The following DOCK3 variants were observed in gnomAD, a reference collection of about 807,000 sequenced individuals.
DOCK3 encodes the protein dedicator of cytokinesis protein 3.
DOCK3 carries 60 observed loss-of-function variants against 265.6 expected under a neutral mutation model. The observed-to-expected ratio is 0.23, with a 90% CI of 0.18 to 0.28. DOCK3 has a LOEUF of 0.28. DOCK3 is among the 10% of genes least tolerant of loss of function. The pLI is 1.00. For synonymous variants in DOCK3, 881 were observed against 938.0 expected (o/e 0.94, Z 1.11); for missense variants, 1,981 against 2,594.3 (o/e 0.76, Z 5.14).
At position 51,314,442 on chromosome 3, in the gene DOCK3, G is replaced by A. The variant is rs532535884; in HGVS notation, c.3254-538G>A. On this transcript the variant is annotated intron_variant, in intron 31 of 52. Coordinates refer to ENST00000266037, the MANE Select transcript of DOCK3 (RefSeq NM_004947.5). Reference sequence around the variant, plus strand: ...GCAGGAGACTCCTGCTAGCTCAGGAGGAGGACTTCTTTGGCATACATGAAC... The same window carrying A: ...GCAGGAGACTCCTGCTAGCTCAGGAAGAGGACTTCTTTGGCATACATGAAC... Among the ~76,000 whole-genome samples, 9 of 152,302 alleles carry A rather than the reference G, an allele frequency of 5.9e-5. No homozygotes were observed. In the South Asian group the frequency reaches 1.9e-3, roughly 32 times the overall value.
At chr3:50,730,330 A>G (rs985642056) in intron 1 of DOCK3, among the ~76,000 whole-genome samples, 3 of 150,880 alleles carry the variant, frequency 2.0e-5, no homozygotes, top group African/African-American at 4.9e-5. Context: ...TTTAGTAGAG[A>G]TGGGGTTTTG....
chr3:51,063,457 C>G (rs1243098521), intron 5 of DOCK3, among the ~76,000 whole-genome samples: 2 of 152,176 alleles, frequency 1.3e-5, no homozygotes, highest in Non-Finnish European at 2.9e-5. Flanking sequence ...CTACCTGATT[C>G]TACTGTTTTG....
At chr3:51,314,729 G>C (rs1424756093) in intron 31 of DOCK3, among the ~76,000 whole-genome samples, 1 of 152,224 alleles carries the variant, frequency 6.6e-6, no homozygotes, top group African/African-American at 2.4e-5. Context: ...CAGGTAGTTT[G>C]TGGGACTGTC....
At chr3:50,894,182 T>C (rs543079007) in intron 4 of DOCK3, among the ~76,000 whole-genome samples, 1 of 151,960 alleles carries the variant, frequency 6.6e-6, no homozygotes, top group African/African-American at 2.4e-5. Context: ...GTGGTCAAAT[T>C]GTCAAAAGTC....
intron 5 of DOCK3, among the ~76,000 whole-genome samples, chr3:50,965,855 T>C (rs542543264): frequency 7.5e-4 from 114 of 152,286 alleles, no homozygotes; most frequent in Non-Finnish European, 1.3e-3. Context: ...CAATGGATGA[T>C]TGGGTATATT....
chr3:50,691,930 T>C (rs1025277171), intron 1 of DOCK3, among the ~76,000 whole-genome samples: 2 of 151,734 alleles, frequency 1.3e-5, no homozygotes, highest in Non-Finnish European at 2.9e-5. Context: ...TTTTTTTTTT[T>C]TTTGAGACAG....
intron 5 of DOCK3, among the ~76,000 whole-genome samples, chr3:51,002,915 A>G (rs1182351408): frequency 6.6e-6 from 1 of 152,230 alleles, no homozygotes; most frequent in African/African-American, 2.4e-5. Context: ...TTAACTCTGG[A>G]TAAATGTATG....
intron 1 of DOCK3, among the ~76,000 whole-genome samples, chr3:50,743,765 C>A (rs758915791): frequency 6.6e-6 from 1 of 152,160 alleles, no homozygotes; most frequent in Non-Finnish European, 1.5e-5. Flanking sequence ...TCTCTGTTTT[C>A]TGGGGTTATT....
chr3:51,141,103 T>C (rs575705282), intron 9 of DOCK3, among the ~76,000 whole-genome samples: 12 of 152,206 alleles, frequency 7.9e-5, no homozygotes, highest in South Asian at 2.1e-4. Flanking sequence ...GTCCCTTTTT[T>C]TGTTGTTGCT....
intron 3 of DOCK3, among the ~76,000 whole-genome samples, chr3:50,871,476 A>G (rs2047429496): frequency 6.6e-6 from 1 of 150,998 alleles, no homozygotes; most frequent in South Asian, 2.1e-4. Context: ...CGTGAGTTTG[A>G]TTATTAAATG....
In DOCK3 at chr3:51,355,251, C is replaced by A. The variant is rs547097109; in HGVS notation, c.4249+228C>A. Among the ~76,000 whole-genome samples, 5 of 152,344 alleles carry A rather than the reference C, an allele frequency of 3.3e-5. No individual in the cohort carries two copies. In the South Asian group the frequency reaches 1.0e-3, roughly 32 times the overall value. On this transcript the variant is annotated intron_variant, in intron 41 of 52. Coordinates refer to ENST00000266037, the MANE Select transcript of DOCK3 (RefSeq NM_004947.5). ...GTGGGTGGTCTAGTTATCAGTGGGG[C>A]TTCAGGAAGGCCTTTATCCCTCAGG...
At chr3:51,245,331 T>A (rs2078782260) in intron 21 of DOCK3, among the ~76,000 whole-genome samples, 1 of 151,722 alleles carries the variant, frequency 6.6e-6, no homozygotes, top group Non-Finnish European at 1.5e-5. Flanking sequence ...AGCAAGTGTC[T>A]GTCTCAAAGA....
chr3:51,176,231 C>G (rs1295070644), intron 12 of DOCK3, among the ~76,000 whole-genome samples: 1 of 152,080 alleles, frequency 6.6e-6, no homozygotes, highest in Non-Finnish European at 1.5e-5. Flanking sequence ...CCTTAGGTCC[C>G]AAGTATTTTC....
In DOCK3 at chr3:51,277,641, G is replaced by A; in HGVS notation, c.2710G>A (p.Val904Met). 1 of 1,577,582 alleles carries A rather than the reference G, an allele frequency of 6.3e-7. No homozygotes were observed. The highest frequency in any genetic ancestry group is 1.2e-5 in the South Asian group (1 of 86,384). ...TGTCATGGAGGAAGTAGAGATGATG[G>A]TGGAGAGCCTCCTGGACGTGCTCTT... Reference protein sequence around the residue: ...ADVMEEVEMMVESLLDVLLQT... With the variant: ...ADVMEEVEMMMESLLDVLLQT... Residue 904 changes from valine to methionine, a missense_variant, in exon 26 of 53, where the codon GTG becomes ATG. Transcript: ENST00000266037.
At chr3:51,141,283 C>A (rs1314746781) in intron 9 of DOCK3, among the ~76,000 whole-genome samples, 2 of 125,218 alleles carry the variant, frequency 1.6e-5, no homozygotes, top group African/African-American at 6.2e-5. Context: ...TTGAAACTCA[C>A]ATAATTTCCT....
chr3:51,348,726 T>G (rs2085762187), intron 38 of DOCK3, 126 bp from the exon 39 acceptor site: 2 of 932,726 alleles, frequency 2.1e-6, no homozygotes, highest in Non-Finnish European at 3.3e-6. Flanking sequence ...GAGGTATATG[T>G]TCTTTGTGAC....
chr3:51,203,646 C>T (rs1364553463), intron 12 of DOCK3, among the ~76,000 whole-genome samples: 1 of 152,120 alleles, frequency 6.6e-6, no homozygotes, highest in East Asian at 1.9e-4. Flanking sequence ...ACTTTCTTCA[C>T]AGAATTGGAA....
intron 4 of DOCK3, among the ~76,000 whole-genome samples, chr3:50,892,323 C>A (rs530748650): frequency 1.9e-4 from 29 of 152,186 alleles, no homozygotes; most frequent in Non-Finnish European, 3.7e-4. Context: ...TTTCAGCTCT[C>A]ATCCCCCTAC....
chr3:51,032,975 T>C (rs2080114780), intron 5 of DOCK3, among the ~76,000 whole-genome samples: 1 of 152,206 alleles, frequency 6.6e-6, no homozygotes, highest in Non-Finnish European at 1.5e-5. Context: ...TAGACTCTTC[T>C]GTATCAGCCA....
Sources: allele counts gnomAD v4.1 joint callset (sites outside exome capture counted in the v4.1 genomes callset), GRCh38; gene constraint gnomAD v4.1.1; transcripts MANE v1.5; gene names NCBI Gene and HGNC (gene_info 2026-07-23, HGNC 2026-07-21).